RPS6KA2: variants seen among roughly 807,000 people sequenced by gnomAD.
RPS6KA2 encodes the protein ribosomal protein S6 kinase alpha-2.
RPS6KA2 carries 42 observed loss-of-function variants against 91.8 expected under a neutral mutation model. That is an observed-to-expected ratio of 0.46 (90% CI 0.36 to 0.59). The LOEUF (loss-of-function observed/expected upper bound fraction) is 0.59, where lower values mean the gene tolerates loss of function less well. RPS6KA2 is among the 20% of genes least tolerant of loss of function. The pLI is 0.00. For missense variants in RPS6KA2, 798 were observed against 978.5 expected (o/e 0.82, Z 2.46); for synonymous variants, 414 against 393.6 (o/e 1.05, Z -0.61).
chr6:166,531,286 A>G lies in RPS6KA2; in HGVS notation c.244T>C (p.Ser82Pro). The G allele has an allele frequency of 6.2e-7, 1 of 1,614,018 alleles. No homozygotes were observed. The highest frequency in any genetic ancestry group is 8.5e-7 in the Non-Finnish European group (1 of 1,179,946). ...KVFLVRKVKG[S>P]DAGQLYAMKV... ...ATGGCGTAGAGCTGCCCAGCGTCGG[A>G]CCCCTTCACCTTCCTCACCAGGAAC... The change falls in exon 3 of 21, where the codon TCC becomes CCC. Residue 82 changes from serine (S) to proline (P), a missense_variant. Ser to Pro is a moderately conservative substitution (Grantham distance 74). Transcript: ENST00000265678.
chr6:166,766,918 C>T (rs1339668718), intron 2 of RPS6KA2, among the ~76,000 whole-genome samples: 2 of 152,220 alleles, frequency 1.3e-5, no homozygotes, highest in South Asian at 4.1e-4. Flanking sequence ...AGTGTCTGGA[C>T]CCAGCTGCGT....
In RPS6KA2 at chr6:166,767,387, T is replaced by TGCTCCAGATCAATGC. The variant is rs1200569158; in HGVS notation, c.123+90798_123+90812dup. Reference sequence around the variant, plus strand: ...ACCACAAAGGCCGCGCGGATCAATGTGCTCCAGATCAATGCGGTCCAGAGG... The same window carrying TGCTCCAGATCAATGC: ...ACCACAAAGGCCGCGCGGATCAATGTGCTCCAGATCAATGCGCTCCAGATCAATGCGGTCCAGAGG... On this transcript the variant is annotated intron_variant, in intron 2 of 21. Coordinates refer to the RPS6KA2 transcript ENST00000503859. This position sits in a 1 kb window ranked among gnomAD's most constrained non-coding sequence, Gnocchi z 4.6. 9.2e-5 allele frequency among the ~76,000 whole-genome samples: 14 copies of TGCTCCAGATCAATGC among 152,332 alleles called. No individual in the cohort carries two copies. The highest frequency in any genetic ancestry group is 3.4e-3 in the Middle Eastern group (1 of 294).
chr6:166,663,179 T>C (rs2128558301), intron 2 of RPS6KA2, among the ~76,000 whole-genome samples: 1 of 152,240 alleles, frequency 6.6e-6, no homozygotes, highest in South Asian at 2.1e-4. Context: ...TCATCAAAGA[T>C]CAGAATTGAA....
chr6:166,469,948 G>A, intron 10 of RPS6KA2, 43 bp from the exon 11 acceptor site: 1 of 1,543,766 alleles, frequency 6.5e-7, no homozygotes, highest in Non-Finnish European at 9.0e-7. Flanking sequence ...AATCCAAGAT[G>A]GGGTTCTCTG....
At chr6:166,754,029 G>A (rs1777923330) in intron 2 of RPS6KA2, among the ~76,000 whole-genome samples, 1 of 152,070 alleles carries the variant, frequency 6.6e-6, no homozygotes, top group Non-Finnish European at 1.5e-5. Flanking sequence ...ATCCAGCCCC[G>A]AGCCCCAGCC....
intron 1 of RPS6KA2, among the ~76,000 whole-genome samples, chr6:166,568,705 TA>T (rs1351453505): frequency 1.9e-5 from 2 of 106,074 alleles, no homozygotes; most frequent in Non-Finnish European, 1.9e-5. Context: ...CTGAAACACA[TA>T]AGACTTCGGA....
At chr6:166,487,235 C>T (rs1471471122) in intron 10 of RPS6KA2, among the ~76,000 whole-genome samples, 1 of 152,150 alleles carries the variant, frequency 6.6e-6, no homozygotes, top group Admixed American at 6.5e-5. Context: ...ACTCTCCTGA[C>T]ACACACCCAC....
intron 2 of RPS6KA2, among the ~76,000 whole-genome samples, chr6:166,534,221 C>CAAAAAAAA (rs34585369): frequency 1.7e-5 from 1 of 59,358 alleles, no homozygotes; most frequent in African/African-American, 6.7e-5. Flanking sequence ...GACTCTGTCT[C>CAAAAAAAA]AAAAAAAAAA....
chr6:166,504,387 G>A, intron 6 of RPS6KA2, 119 bp downstream of exon 6: 2 of 620,466 alleles, frequency 3.2e-6, no homozygotes, highest in South Asian at 4.2e-5. Flanking sequence ...TCCCCAGCCT[G>A]CTCTCTGATA....
intron 1 of RPS6KA2, among the ~76,000 whole-genome samples, chr6:166,614,369 A>C (rs1583328164): frequency 1.3e-5 from 2 of 152,174 alleles, no homozygotes; most frequent in East Asian, 3.9e-4. Context: ...CCATTCCCAG[A>C]AGGACACTGG....
At chr6:166,527,575 A>G (rs1236951661) in intron 3 of RPS6KA2, among the ~76,000 whole-genome samples, 1 of 152,222 alleles carries the variant, frequency 6.6e-6, no homozygotes, top group Non-Finnish European at 1.5e-5. Flanking sequence ...TATAATTCAC[A>G]TTCCATATGA....
chr6:166,598,193 G>A (rs963823848), intron 1 of RPS6KA2, among the ~76,000 whole-genome samples: 7 of 152,148 alleles, frequency 4.6e-5, no homozygotes, highest in African/African-American at 1.7e-4. Context: ...GACATTGTGG[G>A]GCCAAATTGG....
At chr6:166,485,505 G>A (rs1781377115) in intron 10 of RPS6KA2, among the ~76,000 whole-genome samples, 1 of 151,744 alleles carries the variant, frequency 6.6e-6, no homozygotes, top group Admixed American at 6.6e-5. Flanking sequence ...TTGCTCTTAG[G>A]GCTGACGGAC....
chr6:166,470,655 C>T (rs1015032880), intron 10 of RPS6KA2, among the ~76,000 whole-genome samples: 6 of 152,182 alleles, frequency 3.9e-5, no homozygotes, highest in Admixed American at 3.3e-4. Flanking sequence ...GAAATCGCCA[C>T]TGTCCCCCCA....
chr6:166,742,111 T>G (rs1583066171), intron 2 of RPS6KA2, among the ~76,000 whole-genome samples: 1 of 151,934 alleles, frequency 6.6e-6, no homozygotes, highest in African/African-American at 2.4e-5. Context: ...CCAGCCTGGG[T>G]AACAGAGCGA....
intron 1 of RPS6KA2, among the ~76,000 whole-genome samples, chr6:166,580,195 A>G (rs1648215661): frequency 6.6e-6 from 1 of 152,218 alleles, no homozygotes; most frequent in Non-Finnish European, 1.5e-5. Context: ...ACACACTGTG[A>G]AAAGCTGGAG....
Position 166,821,665 on chromosome 6 carries a change from G to A in RPS6KA2, c.123+36535C>T, listed in dbSNP as rs1779907828. 6.6e-6 allele frequency among the ~76,000 whole-genome samples: 1 copy of A among 151,934 alleles called. No individual in the cohort carries two copies. Among genetic ancestry groups the A allele is most frequent in the Non-Finnish European group, 1.5e-5 (1 of 67,988 alleles). On this transcript the variant is annotated intron_variant, in intron 2 of 21. Transcript: ENST00000503859. This position sits in a 1 kb window ranked among gnomAD's most constrained non-coding sequence, Gnocchi z 4.1. ...GCTGTGCCCCAGATTTCCACTCGGA[G>A]CCCTCATCCCTTCATAATCTGTAGC...
rs183845373 is a variant in RPS6KA2, at chr6:166,788,928, T to C, written c.123+69272A>G. Among the ~76,000 whole-genome samples, 425 of 151,744 alleles carry C rather than the reference T, an allele frequency of 2.8e-3. 4 individuals are homozygous for C. Among genetic ancestry groups the C allele is most frequent in the African/African-American group, 9.5e-3 (391 of 41,354 alleles). On this transcript the variant is annotated intron_variant, in intron 2 of 21. Transcript: ENST00000503859. ...CAGCTCCAGTCTACAGCTCCCAGGG[T>C]GAGTGACGCAGAAGACAGGTGATTT...
chr6:166,685,254 G>A, intron 2 of RPS6KA2, among the ~76,000 whole-genome samples: 1 of 149,628 alleles, frequency 6.7e-6, no homozygotes, highest in Non-Finnish European at 1.5e-5. Context: ...CAGAGGCCGA[G>A]GAAAGCTCAG....
Sources: gnomAD v4.1 joint callset for allele counts (sites outside exome capture counted in the v4.1 genomes callset) on GRCh38, gnomAD v4.1.1 for gene constraint, Gnocchi (gnomAD v3.1) non-coding constraint, MANE v1.5 for transcripts, NCBI Gene and HGNC (gene_info 2026-07-23, HGNC 2026-07-21) for gene names.